Variants in PTK2 observed in about 807,000 individuals in gnomAD.
The protein encoded by PTK2 is focal adhesion kinase 1.
PTK2 carries 45 observed loss-of-function variants against 150.1 expected under a neutral mutation model. That is an observed-to-expected ratio of 0.30 (90% confidence interval 0.24 to 0.38). PTK2 has a LOEUF of 0.38. PTK2 is among the 10% of genes least tolerant of loss of function. The pLI, the probability that PTK2 is intolerant of heterozygous loss-of-function variation, is 1.00. For synonymous variants in PTK2, 432 were observed against 449.2 expected, an observed-to-expected ratio of 0.96 and a Z score of 0.48; for missense variants, 919 against 1,307.3, an observed-to-expected ratio of 0.70 and a Z score of 4.58.
At chr8:140,665,019 C>G (rs746505151) in intron 30 of PTK2, 22 bp from the exon 35 acceptor site, 7 of 1,598,722 alleles carry the variant, frequency 4.4e-6, no homozygotes, top group Middle Eastern at 1.7e-4. Flanking sequence ...GAATCACAAC[C>G]AATATTAGAA....
At chr8:140,744,836 C>G (rs2100057820) in intron 18 of PTK2, 69 bp from the exon 22 acceptor site, 2 of 826,126 alleles carry the variant, frequency 2.4e-6, no homozygotes, top group Non-Finnish European at 1.9e-6. Context: ...AAATCAAAAG[C>G]AAAAAAGCTA....
At chr8:140,870,997 A>G (rs1269806095) in intron 4 of PTK2, among the ~76,000 whole-genome samples, 1 of 152,156 alleles carries the variant, frequency 6.6e-6, no homozygotes, top group Non-Finnish European at 1.5e-5. Context: ...CCTATCATTT[A>G]GTGGGTAGAA....
At chr8:140,786,323 G>C (rs534602997) in intron 14 of PTK2, among the ~76,000 whole-genome samples, 107 of 152,310 alleles carry the variant, frequency 7.0e-4, no homozygotes, top group African/African-American at 2.5e-3. Flanking sequence ...CAAGGATCCA[G>C]GAGCAGTAGG....
Position 140,781,660 on chromosome 8 carries a change from C to T in PTK2, c.1177+7814G>A, listed in dbSNP as rs184017763. On this transcript the variant is annotated intron_variant, in intron 14 of 31. Transcript: ENST00000522684. Reference sequence around the variant, plus strand: ...AAATTTGAAAGTGCCTCAGGCTACCCCTTGCCAGGGAGGTCTGTGAGTTTC... The same window carrying T: ...AAATTTGAAAGTGCCTCAGGCTACCTCTTGCCAGGGAGGTCTGTGAGTTTC... 3.3e-5 allele frequency among the ~76,000 whole-genome samples: 5 copies of T among 152,332 alleles called. No homozygotes were observed. The East Asian group carries it at 9.6e-4, about 29-fold the overall frequency.
chr8:140,940,151 TAC>T (rs1330158270), intron 1 of PTK2, among the ~76,000 whole-genome samples: 1 of 152,174 alleles, frequency 6.6e-6, no homozygotes, highest in Admixed American at 6.5e-5. Context: ...AAGTAATAAA[TAC>T]AGACTTTTGC....
At chr8:140,691,671 T>C (rs1057191507) in intron 26 of PTK2, among the ~76,000 whole-genome samples, 2 of 152,214 alleles carry the variant, frequency 1.3e-5, no homozygotes, top group African/African-American at 4.8e-5. Context: ...AGTGAACTGA[T>C]TGTCCATGCC....
At chr8:140,676,490 T>C (rs540392331) in intron 27 of PTK2, among the ~76,000 whole-genome samples, 61 of 151,300 alleles carry the variant, frequency 4.0e-4, no homozygotes, top group Middle Eastern at 3.5e-3. Context: ...GTGAAACAAC[T>C]TACAAACAGA....
intron 14 of PTK2, among the ~76,000 whole-genome samples, chr8:140,782,811 C>G (rs2100082604): frequency 6.6e-6 from 1 of 152,136 alleles, no homozygotes. Context: ...ACAGGGCACA[C>G]TTCTGAGAGT....
At chr8:140,962,778 CAA>C (rs926568849) in intron 1 of PTK2, among the ~76,000 whole-genome samples, 1 of 142,220 alleles carries the variant, frequency 7.0e-6, no homozygotes, top group African/African-American at 2.6e-5. Flanking sequence ...GAGACTCCCT[CAA>C]AAAAAAAAAC....
intron 10 of PTK2, among the ~76,000 whole-genome samples, chr8:140,816,520 A>T (rs886197560): frequency 1.3e-5 from 2 of 152,218 alleles, no homozygotes; most frequent in African/African-American, 4.8e-5. Context: ...TCAACAGCCA[A>T]CAAGAGATTT....
At chr8:140,818,842 T>C in intron 9 of PTK2, 38 bp downstream of exon 9, 3 of 1,592,438 alleles carry the variant, frequency 1.9e-6, no homozygotes, top group Non-Finnish European at 2.6e-6. Flanking sequence ...AAAAGTAAAA[T>C]CAAACTAGCC....
At chr8:140,891,323 A>G (rs1478778388) in intron 2 of PTK2, among the ~76,000 whole-genome samples, 2 of 152,226 alleles carry the variant, frequency 1.3e-5, no homozygotes, top group African/African-American at 2.4e-5. Flanking sequence ...AAACGAAAAA[A>G]GCATGCACAA....
intron 11 of PTK2, among the ~76,000 whole-genome samples, chr8:140,803,247 C>T (rs2100096318): frequency 6.6e-6 from 1 of 151,984 alleles, no homozygotes; most frequent in Non-Finnish European, 1.5e-5. Flanking sequence ...ATCCGCCTGC[C>T]TTGGCCTCCC....
In PTK2 at chr8:140,806,412, C is replaced by T. The variant is rs138493331; in HGVS notation, c.868-2762G>A. Among the ~76,000 whole-genome samples, 1,486 of 152,082 alleles carry T rather than the reference C, an allele frequency of 9.8e-3. 11 individuals carry two copies. The highest frequency in any genetic ancestry group is 0.015 in the Non-Finnish European group (991 of 67,994). ...CATGCACGTACGTAACAGAGGATGT[C>T]GGAGGCGCCTTCCAACAGACCGAGA... On this transcript the variant is annotated intron_variant, in intron 10 of 31. Coordinates refer to ENST00000522684, the Ensembl canonical transcript of PTK2.
At chr8:140,884,378 AAAGG>A (rs2100151191) in intron 3 of PTK2, among the ~76,000 whole-genome samples, 1 of 152,146 alleles carries the variant, frequency 6.6e-6, no homozygotes, top group Non-Finnish European at 1.5e-5. Context: ...TCCATCCTGT[AAAGG>A]AAGAGTTTAA....
intron 5 of PTK2, among the ~76,000 whole-genome samples, chr8:140,860,593 G>C (rs1015426939): frequency 1.3e-5 from 2 of 152,132 alleles, no homozygotes; most frequent in African/African-American, 2.4e-5. Context: ...TCCTGCCCCA[G>C]CTCCTCAGTA....
chr8:140,808,362 GT>G (rs2100099336), intron 10 of PTK2, among the ~76,000 whole-genome samples: 1 of 152,158 alleles, frequency 6.6e-6, no homozygotes, highest in African/African-American at 2.4e-5. Flanking sequence ...AATGTGAGAA[GT>G]GCAGTGCAAG....
rs780188127 is a variant in PTK2, at chr8:140,846,725, T to C, written c.451-47A>G. 8 of 1,314,348 alleles carry C rather than the reference T, an allele frequency of 6.1e-6. No homozygotes were observed. The South Asian group carries it at 1.0e-4, about 16-fold the overall frequency. The allele number at this position is 1,314,348 out of a possible 1,614,324, so 81.4% of individuals were successfully genotyped here. On this transcript the variant is annotated intron_variant, in intron 5 of 31. Transcript: ENST00000522684. ...AAACAACACTGTTTTAAAAGAAAAA[T>C]ATTAGATATATGCATTCAATAAATG...
At chr8:140,825,812 C>T (rs891043341) in intron 8 of PTK2, among the ~76,000 whole-genome samples, 2 of 152,168 alleles carry the variant, frequency 1.3e-5, no homozygotes, top group African/African-American at 4.8e-5. Flanking sequence ...TGATATTTTT[C>T]AAGAGTAATC....
Sources: allele counts gnomAD v4.1 joint callset (sites outside exome capture counted in the v4.1 genomes callset), GRCh38; gene constraint gnomAD v4.1.1; transcripts MANE v1.5; gene names NCBI Gene and HGNC (gene_info 2026-07-23, HGNC 2026-07-21).